The following CNTNAP2 variants were observed in gnomAD, a reference collection of about 807,000 sequenced individuals.
The protein encoded by CNTNAP2 is contactin-associated protein-like 2.
In CNTNAP2, 98 loss-of-function variants were observed where a neutral mutation model predicts 155.2. The ratio of observed to expected loss-of-function variants is 0.63; its 90% CI spans 0.54 to 0.75. CNTNAP2 has a LOEUF of 0.75. Ranked by LOEUF, CNTNAP2 falls within the 30% of genes least tolerant of loss-of-function variation. CNTNAP2 has a pLI of 0.00. For synonymous variants in CNTNAP2, 651 were observed against 631.2 expected (o/e 1.03, Z -0.47); for missense variants, 1,727 against 1,688.1 (o/e 1.02, Z -0.40).
At chr7:146,828,885 C>T (rs186180720) in intron 2 of CNTNAP2, among the ~76,000 whole-genome samples, 36 of 152,026 alleles carry the variant, frequency 2.4e-4, no homozygotes, top group African/African-American at 8.0e-4. Context: ...CACTCTGGCT[C>T]AGGCTAGCCT....
At chr7:147,941,329 A>G (rs1800718144) in intron 14 of CNTNAP2, among the ~76,000 whole-genome samples, 3 of 152,192 alleles carry the variant, frequency 2.0e-5, no homozygotes, top group African/African-American at 7.2e-5. Context: ...GGGTGGGGAT[A>G]GTTCACACCC....
At chr7:148,283,308 G>GAAAGAAAGA (rs1563024795) in intron 21 of CNTNAP2, among the ~76,000 whole-genome samples, 2,220 of 61,984 alleles carry the variant, frequency 0.036, 104 homozygotes, top group Non-Finnish European at 0.044. Flanking sequence ...AGAAAGAAAG[G>GAAAGAAAGA]AAGGAAGGAA....
intron 8 of CNTNAP2, among the ~76,000 whole-genome samples, chr7:147,280,144 A>G (rs767723597): frequency 2.0e-5 from 3 of 151,910 alleles, no homozygotes; most frequent in Non-Finnish European, 4.4e-5. Context: ...ACATTACCAG[A>G]GTGGGAAAGC....
At chr7:147,397,918 A>G (rs1388081264) in intron 10 of CNTNAP2, among the ~76,000 whole-genome samples, 24 of 152,082 alleles carry the variant, frequency 1.6e-4, no homozygotes. Context: ...CCTGTGACAC[A>G]TCTCCACGCA....
intron 1 of CNTNAP2, among the ~76,000 whole-genome samples, chr7:146,483,878 C>T (rs576762983): frequency 3.9e-5 from 6 of 152,112 alleles, no homozygotes; most frequent in Non-Finnish European, 8.8e-5. Flanking sequence ...ATGTTTTCTA[C>T]ACAACGAGTA....
In CNTNAP2 at chr7:147,360,266, T is replaced by C. The variant is rs1015315265; in HGVS notation, c.1499-35343T>C. On this transcript the variant is annotated intron_variant, in intron 9 of 23. Coordinates refer to ENST00000361727, the MANE Select transcript of CNTNAP2 (RefSeq NM_014141.6). Reference sequence around the variant, plus strand: ...TGTCTTCATCCTTGTGGTTCAGCAATGATATCTAGTCTATATCTTGGTATA... The same window carrying C: ...TGTCTTCATCCTTGTGGTTCAGCAACGATATCTAGTCTATATCTTGGTATA... 2.0e-5 allele frequency among the ~76,000 whole-genome samples: 3 copies of C among 152,212 alleles called. No individual in the cohort carries two copies. The East Asian group carries it at 5.8e-4, about 29-fold the overall frequency.
intron 15 of CNTNAP2, among the ~76,000 whole-genome samples, chr7:148,090,915 A>G (rs1176284600): frequency 2.0e-5 from 3 of 152,138 alleles, no homozygotes; most frequent in Non-Finnish European, 1.5e-5. Flanking sequence ...AAAAGAAGGA[A>G]ATCCAGCCAT....
intron 2 of CNTNAP2, among the ~76,000 whole-genome samples, chr7:146,806,165 T>C (rs940509441): frequency 5.3e-5 from 8 of 152,110 alleles, no homozygotes; most frequent in African/African-American, 1.4e-4. Context: ...TTTGTGTCTC[T>C]AGGGTAGGTA....
chr7:148,222,554 C>CATTCCATGAATCTATGAATGGATA (rs1260941361), intron 19 of CNTNAP2, among the ~76,000 whole-genome samples: 13 of 147,812 alleles, frequency 8.8e-5, no homozygotes, highest in Non-Finnish European at 2.0e-4. Flanking sequence ...ATGAATGGAT[C>CATTCCATGAATCTATGAATGGATA]ATTCCATGAA....
At chr7:146,369,247 A>G (rs995007577) in intron 1 of CNTNAP2, among the ~76,000 whole-genome samples, 4 of 151,832 alleles carry the variant, frequency 2.6e-5, no homozygotes, top group Admixed American at 6.6e-5. Flanking sequence ...CTAACTTTGA[A>G]ACCTAAATTT....
At chr7:146,810,803 A>C (rs1488548111) in intron 2 of CNTNAP2, among the ~76,000 whole-genome samples, 1 of 152,178 alleles carries the variant, frequency 6.6e-6, no homozygotes. Flanking sequence ...ATGTTGAAGT[A>C]TATTCATTCT....
chr7:146,121,935 A>G (rs1042411976), intron 1 of CNTNAP2, among the ~76,000 whole-genome samples: 8 of 152,236 alleles, frequency 5.3e-5, no homozygotes, highest in Non-Finnish European at 1.2e-4. Context: ...TGATTCACTA[A>G]AACACTGGAT....
At chr7:146,553,262 T>G (rs1217231111) in intron 1 of CNTNAP2, among the ~76,000 whole-genome samples, 1 of 152,086 alleles carries the variant, frequency 6.6e-6, no homozygotes, top group African/African-American at 2.4e-5. Context: ...TGTCTATTCT[T>G]GAATCATAAC....
intron 13 of CNTNAP2, among the ~76,000 whole-genome samples, chr7:147,807,353 A>G (rs1798108765): frequency 6.6e-6 from 1 of 150,422 alleles, no homozygotes; most frequent in African/African-American, 2.4e-5. Flanking sequence ...AAACGAAAAC[A>G]AAAAAAAGAA....
At chr7:146,481,812 T>C (rs1247044084) in intron 1 of CNTNAP2, among the ~76,000 whole-genome samples, 1 of 152,118 alleles carries the variant, frequency 6.6e-6, no homozygotes, top group Non-Finnish European at 1.5e-5. Context: ...GTAGAAGTGG[T>C]GTTGAGGGGC....
At chr7:147,157,704 A>C (rs1257561082) in intron 8 of CNTNAP2, among the ~76,000 whole-genome samples, 2 of 152,120 alleles carry the variant, frequency 1.3e-5, no homozygotes, top group African/African-American at 4.8e-5. Flanking sequence ...GTTTTGCAAG[A>C]TCCTAGCCCA....
chr7:147,088,329 G>A (rs999837335), intron 4 of CNTNAP2, among the ~76,000 whole-genome samples: 1 of 152,178 alleles, frequency 6.6e-6, no homozygotes, highest in Non-Finnish European at 1.5e-5. Flanking sequence ...GAGCTTTTCT[G>A]TGGTAGCTGT....
intron 1 of CNTNAP2, among the ~76,000 whole-genome samples, chr7:146,163,131 A>C (rs1031957193): frequency 1.3e-5 from 2 of 152,204 alleles, no homozygotes; most frequent in African/African-American, 2.4e-5. Flanking sequence ...CGTTGTGCAC[A>C]TGTACCCTAG....
Position 146,709,163 on chromosome 7 carries a change from A to G in CNTNAP2, c.98-65108A>G, listed in dbSNP as rs2129174727. Among the ~76,000 whole-genome samples the G allele has an allele frequency of 2.0e-5, 3 of 152,258 alleles. 1 individual carries two copies. Among genetic ancestry groups the G allele is most frequent in the African/African-American group, 7.2e-5 (3 of 41,562 alleles). On this transcript the variant is annotated intron_variant, in intron 1 of 23. Transcript: ENST00000361727. Reference sequence around the variant, plus strand: ...TAACATTTTTTTCCATATTATAGAAACAGTGTTAAGGAGGAATCTTAGTCA... The same window carrying G: ...TAACATTTTTTTCCATATTATAGAAGCAGTGTTAAGGAGGAATCTTAGTCA...
Sources: allele counts gnomAD v4.1 joint callset (sites outside exome capture counted in the v4.1 genomes callset), GRCh38; gene constraint gnomAD v4.1.1; transcripts MANE v1.5; gene names NCBI Gene and HGNC (gene_info 2026-07-23, HGNC 2026-07-21).